The following ARHGAP15 variants were observed in gnomAD, a reference collection of about 807,000 sequenced individuals.
ARHGAP15 encodes the protein rho GTPase-activating protein 15.
A neutral mutation model predicts 63.7 loss-of-function variants in ARHGAP15; 51 were observed. The observed-to-expected ratio is 0.80, with a 90% CI of 0.64 to 1.01. ARHGAP15 has a LOEUF of 1.01. ARHGAP15 is among the 50% of genes least tolerant of loss of function. ARHGAP15 has a pLI of 0.00. For synonymous variants in ARHGAP15, 191 were observed against 193.8 expected (o/e 0.99, Z 0.12); for missense variants, 560 against 564.6 (o/e 0.99, Z 0.08).
At chr2:143,544,151 G>T (rs1219841959) in intron 10 of ARHGAP15, among the ~76,000 whole-genome samples, 1 of 152,094 alleles carries the variant, frequency 6.6e-6, no homozygotes, top group Admixed American at 6.5e-5. Flanking sequence ...TTATATTTCT[G>T]TCTCCAAATC....
intron 11 of ARHGAP15, among the ~76,000 whole-genome samples, chr2:143,597,368 A>C (rs1280149160): frequency 1.3e-5 from 2 of 152,180 alleles, no homozygotes; most frequent in Non-Finnish European, 2.9e-5. Flanking sequence ...CTCAATACAA[A>C]TGCAACTGAA....
At chr2:143,148,637 A>C (rs1448000366) in intron 1 of ARHGAP15, among the ~76,000 whole-genome samples, 2 of 152,108 alleles carry the variant, frequency 1.3e-5, no homozygotes, top group Non-Finnish European at 2.9e-5. Flanking sequence ...ATTCCCTGCT[A>C]TAAGTTAAAT....
chr2:143,441,238 G>T (rs892087250), intron 8 of ARHGAP15, among the ~76,000 whole-genome samples: 3 of 152,080 alleles, frequency 2.0e-5, no homozygotes, highest in African/African-American at 7.2e-5. Context: ...TAGAAAAAGG[G>T]TACCAGAATT....
chr2:143,723,769 C>T (rs974705814), intron 13 of ARHGAP15, among the ~76,000 whole-genome samples: 12 of 152,116 alleles, frequency 7.9e-5, no homozygotes, highest in African/African-American at 2.7e-4. Flanking sequence ...AACTGACTTC[C>T]GTTTTAAAGG....
intron 9 of ARHGAP15, among the ~76,000 whole-genome samples, chr2:143,517,643 C>T (rs796145276): frequency 5.9e-5 from 9 of 152,252 alleles, no homozygotes; most frequent in East Asian, 1.9e-4. Context: ...AGGGAAACAG[C>T]TAAGCAGAAA....
intron 11 of ARHGAP15, among the ~76,000 whole-genome samples, chr2:143,607,233 A>G (rs1698073305): frequency 6.6e-6 from 1 of 152,160 alleles, no homozygotes; most frequent in African/African-American, 2.4e-5. Context: ...TGAGAAGACA[A>G]CTCAAAAAGA....
intron 11 of ARHGAP15, chr2:143,593,408 A>G (rs1007273278): frequency 5.9e-5 from 9 of 152,208 alleles, no homozygotes; most frequent in Non-Finnish European, 1.3e-4. Context: ...TATTACACAA[A>G]TGTTTTGAAG....
At chr2:143,701,792 C>G (rs1000357019) in intron 12 of ARHGAP15, among the ~76,000 whole-genome samples, 1 of 147,284 alleles carries the variant, frequency 6.8e-6, no homozygotes, top group Non-Finnish European at 1.5e-5. Flanking sequence ...TCCACAGATT[C>G]GAGAAAGCTC....
chr2:143,156,911 A>G (rs1366818312), intron 2 of ARHGAP15, among the ~76,000 whole-genome samples: 1 of 152,004 alleles, frequency 6.6e-6, no homozygotes, highest in African/African-American at 2.4e-5. Context: ...GACAGTGGTT[A>G]GAGTAAATTA....
intron 11 of ARHGAP15, among the ~76,000 whole-genome samples, chr2:143,589,102 C>T (rs1283143493): frequency 1.3e-5 from 2 of 152,202 alleles, no homozygotes; most frequent in Non-Finnish European, 2.9e-5. Flanking sequence ...TCAAGCATCA[C>T]TTGCAATCAA....
intron 2 of ARHGAP15, among the ~76,000 whole-genome samples, chr2:143,167,099 C>A (rs926747816): frequency 6.6e-6 from 1 of 152,238 alleles, no homozygotes; most frequent in Middle Eastern, 3.4e-3. Context: ...ATTTAAACTT[C>A]TACAGAGCAT....
At chr2:143,293,280 G>A (rs1682489353) in intron 6 of ARHGAP15, among the ~76,000 whole-genome samples, 1 of 152,068 alleles carries the variant, frequency 6.6e-6, no homozygotes, top group Non-Finnish European at 1.5e-5. Context: ...AGGAGAGGAA[G>A]TCATCATCCT....
intron 8 of ARHGAP15, among the ~76,000 whole-genome samples, chr2:143,486,808 G>A (rs1005401539): frequency 1.3e-5 from 2 of 152,112 alleles, no homozygotes; most frequent in African/African-American, 4.8e-5. Context: ...AAAAGTTTGA[G>A]GCAAATTATG....
intron 12 of ARHGAP15, among the ~76,000 whole-genome samples, chr2:143,651,892 A>G (rs1004449741): frequency 1.3e-5 from 2 of 151,930 alleles, no homozygotes; most frequent in African/African-American, 4.8e-5. Flanking sequence ...TATTTTGCCC[A>G]GTTTTATTAG....
intron 12 of ARHGAP15, among the ~76,000 whole-genome samples, chr2:143,653,834 A>G (rs147188746): frequency 9.2e-5 from 14 of 152,296 alleles, no homozygotes; most frequent in African/African-American, 2.6e-4. Context: ...GGCATATAAT[A>G]GGTGCCAAAA....
At chr2:143,444,437 C>G (rs1690041881) in intron 8 of ARHGAP15, among the ~76,000 whole-genome samples, 1 of 152,156 alleles carries the variant, frequency 6.6e-6, no homozygotes, top group South Asian at 2.1e-4. Flanking sequence ...TTTAAAGAAT[C>G]TTTGCTAAAG....
At chr2:143,668,810 G>A (rs1195123736) in intron 12 of ARHGAP15, among the ~76,000 whole-genome samples, 1 of 152,142 alleles carries the variant, frequency 6.6e-6, no homozygotes, top group Non-Finnish European at 1.5e-5. Context: ...AACTCTTCAA[G>A]AATTCTCCAT....
At chr2:143,388,665 TCTTCA>T (rs1307450310) in intron 6 of ARHGAP15, among the ~76,000 whole-genome samples, 1 of 152,198 alleles carries the variant, frequency 6.6e-6, no homozygotes, top group Non-Finnish European at 1.5e-5. Flanking sequence ...CTATAATGAT[TCTTCA>T]CTTAATTTTT....
At chr2:143,673,756 G>GTATATATATATATA (rs1362315937) in intron 12 of ARHGAP15, among the ~76,000 whole-genome samples, 32 of 30,974 alleles carry the variant, frequency 1.0e-3, no homozygotes, top group African/African-American at 1.3e-3. Context: ...GTGTGTGTGT[G>GTATATATATATATA]TGTATATATA....
Sources: allele counts gnomAD v4.1 joint callset (sites outside exome capture counted in the v4.1 genomes callset), GRCh38; gene constraint gnomAD v4.1.1; transcripts MANE v1.5; gene names NCBI Gene and HGNC (gene_info 2026-07-23, HGNC 2026-07-21).